DYM: variants seen among roughly 807,000 people sequenced by gnomAD.
DYM encodes the protein dyggve-Melchior-Clausen syndrome protein.
Under a neutral mutation model 93.1 loss-of-function variants are expected in DYM, and 78 were observed. That is an observed-to-expected ratio of 0.84 (90% confidence interval 0.70 to 1.01). The LOEUF (loss-of-function observed/expected upper bound fraction) is 1.01. Among genes scored for constraint, DYM ranks in the 50% least tolerant of loss-of-function variants. The pLI, the probability that DYM is intolerant of heterozygous loss-of-function variation, is 0.00. For synonymous variants in DYM, 321 were observed against 319.7 expected, an observed-to-expected ratio of 1.00 and a Z score of -0.04; for missense variants, 789 against 845.0, an observed-to-expected ratio of 0.93 and a Z score of 0.82.
chr18:49,145,074 G>A (rs562087403), intron 15 of DYM, among the ~76,000 whole-genome samples: 1 of 125,738 alleles, frequency 8.0e-6, no homozygotes, highest in Admixed American at 9.0e-5. Context: ...GCTCCAGCCT[G>A]GGCAACAGTG....
intron 2 of DYM, among the ~76,000 whole-genome samples, chr18:49,420,773 C>T (rs537979446): frequency 3.9e-5 from 6 of 152,204 alleles, no homozygotes; most frequent in East Asian, 3.9e-4. Flanking sequence ...CAAGGGAAGC[C>T]GTGACAGACA....
At chr18:49,080,871 G>A (rs2077919519) in intron 17 of DYM, among the ~76,000 whole-genome samples, 1 of 151,954 alleles carries the variant, frequency 6.6e-6, no homozygotes, top group Non-Finnish European at 1.5e-5. Flanking sequence ...CGGGGTGGCG[G>A]CCGGGCAGAG....
intron 15 of DYM, among the ~76,000 whole-genome samples, chr18:49,147,396 A>G (rs1213091110): frequency 6.6e-6 from 1 of 152,154 alleles, no homozygotes; most frequent in South Asian, 2.1e-4. Context: ...AACTACCATC[A>G]GAGTGAACAG....
At chr18:49,155,119 G>A (rs1441177978) in intron 15 of DYM, among the ~76,000 whole-genome samples, 2 of 152,128 alleles carry the variant, frequency 1.3e-5, no homozygotes, top group South Asian at 2.1e-4. Context: ...TCTATTTTTT[G>A]TTCTTAAACA....
chr18:49,082,910 C>T (rs896732650), intron 17 of DYM, among the ~76,000 whole-genome samples: 3 of 152,146 alleles, frequency 2.0e-5, no homozygotes, highest in Non-Finnish European at 2.9e-5. Context: ...TTATGTGTGA[C>T]GTTAGCCGTA....
At chr18:49,168,984 T>C (rs2145200688) in intron 14 of DYM, among the ~76,000 whole-genome samples, 1 of 152,198 alleles carries the variant, frequency 6.6e-6, no homozygotes. Context: ...TGGCAAGAAA[T>C]GAAGCCGGTA....
At chr18:49,435,921 T>A (rs1346836549) in intron 1 of DYM, among the ~76,000 whole-genome samples, 1 of 152,236 alleles carries the variant, frequency 6.6e-6, no homozygotes, top group African/African-American at 2.4e-5. Flanking sequence ...ATCGTCCATA[T>A]TAAACATGAT....
intron 13 of DYM, among the ~76,000 whole-genome samples, chr18:49,215,603 G>A (rs370127675): frequency 5.3e-5 from 8 of 152,282 alleles, no homozygotes; most frequent in African/African-American, 1.7e-4. Flanking sequence ...GATGTGTCAT[G>A]TTTTGGGCAG....
At chr18:49,222,962 A>C (rs1375387878) in intron 13 of DYM, among the ~76,000 whole-genome samples, 1 of 152,158 alleles carries the variant, frequency 6.6e-6, no homozygotes, top group African/African-American at 2.4e-5. Context: ...TGAACCTACC[A>C]ATCAATCTTA....
intron 3 of DYM, among the ~76,000 whole-genome samples, chr18:49,387,487 G>A (rs2068747847): frequency 6.6e-6 from 1 of 151,074 alleles, no homozygotes; most frequent in Non-Finnish European, 1.5e-5. Flanking sequence ...TGTTGGCCAG[G>A]CTGGTCTTGA....
intron 14 of DYM, among the ~76,000 whole-genome samples, chr18:49,166,230 T>A (rs969609093): frequency 3.3e-5 from 5 of 152,184 alleles, no homozygotes; most frequent in African/African-American, 7.2e-5. Flanking sequence ...ACTGTATACA[T>A]ATATATCCAT....
intron 15 of DYM, among the ~76,000 whole-genome samples, chr18:49,151,816 A>G (rs981769502): frequency 1.3e-5 from 2 of 152,222 alleles, no homozygotes; most frequent in African/African-American, 4.8e-5. Flanking sequence ...AACTATGAAC[A>G]GGCAGAAGGG....
chr18:49,453,239 C>T (rs1046923624), intron 1 of DYM, among the ~76,000 whole-genome samples: 1 of 151,478 alleles, frequency 6.6e-6, no homozygotes, highest in Non-Finnish European at 1.5e-5. Context: ...TGTACACGCA[C>T]CAATCAGCAC....
At chr18:49,119,030 A>G in intron 15 of DYM, 104 bp from the exon 16 acceptor site, 1 of 923,250 alleles carries the variant, frequency 1.1e-6, no homozygotes, top group Non-Finnish European at 1.7e-6. Context: ...AGCATTGGAA[A>G]GATCATGAAG....
At chr18:49,136,042 A>G (rs1459680413) in intron 15 of DYM, among the ~76,000 whole-genome samples, 1 of 152,256 alleles carries the variant, frequency 6.6e-6, no homozygotes, top group Non-Finnish European at 1.5e-5. Context: ...GTCAAGGTCA[A>G]CAGCAGTGAA....
intron 8 of DYM, among the ~76,000 whole-genome samples, chr18:49,317,251 A>C (rs2062002272): frequency 6.6e-6 from 1 of 152,208 alleles, no homozygotes; most frequent in African/African-American, 2.4e-5. Context: ...AAATGTAAAG[A>C]ATTAAAAGGA....
chr18:49,363,149 G>T lies in DYM; in HGVS notation c.494+12C>A. On this transcript the variant is annotated intron_variant, in intron 6 of 17. Transcript: ENST00000675505. The stretch of plus-strand genomic sequence containing the variant: ...AGAAGATAAAACAAATCCTGGCCTA[G>T]CCAGAACTTACAAGAGTGGAATATC... 1 of 1,608,438 alleles carries T rather than the reference G, an allele frequency of 6.2e-7. No individual in the cohort carries two copies. The highest frequency in any genetic ancestry group is 8.5e-7 in the Non-Finnish European group (1 of 1,174,960).
chr18:49,091,740 T>C (rs1344299716), intron 17 of DYM, among the ~76,000 whole-genome samples: 1 of 152,038 alleles, frequency 6.6e-6, no homozygotes, highest in Non-Finnish European at 1.5e-5. Flanking sequence ...ATTTATTTAT[T>C]TATTTATTTA....
intron 2 of DYM, among the ~76,000 whole-genome samples, chr18:49,399,596 G>A (rs2070527037): frequency 6.6e-6 from 1 of 152,098 alleles, no homozygotes; most frequent in Non-Finnish European, 1.5e-5. Flanking sequence ...TCTTTGATCA[G>A]GTCTCACCTA....
Sources: allele counts gnomAD v4.1 joint callset (sites outside exome capture counted in the v4.1 genomes callset), GRCh38; gene constraint gnomAD v4.1.1; transcripts MANE v1.5; gene names NCBI Gene and HGNC (gene_info 2026-07-23, HGNC 2026-07-21).